BICDL1: variants seen among roughly 807,000 people sequenced by gnomAD.
BICDL1 encodes the protein BICD family-like cargo adapter 1.
Under a neutral mutation model 76.8 loss-of-function variants are expected in BICDL1, and 20 were observed. The observed-to-expected ratio is 0.26, with a 90% CI of 0.18 to 0.38. The LOEUF is 0.38. Ranked by LOEUF, BICDL1 falls within the 10% of genes least tolerant of loss-of-function variation. The pLI, the probability that BICDL1 is intolerant of heterozygous loss-of-function variation, is 1.00. For synonymous variants in BICDL1, 383 were observed against 337.1 expected (o/e 1.14, Z -1.49); for missense variants, 700 against 798.6 (o/e 0.88, Z 1.49).
intron 8 of BICDL1, among the ~76,000 whole-genome samples, chr12:120,083,629 GTATT>G (rs10566467): frequency 0.12 from 17,936 of 145,044 alleles, 1,352 homozygotes; most frequent in African/African-American, 0.21. Context: ...ATTAATAGTA[GTATT>G]TATTTATTTA....
At chr12:120,057,322 G>T (rs1034582210) in intron 2 of BICDL1, 11 of 309,050 alleles carry the variant, frequency 3.6e-5, no homozygotes, top group Non-Finnish European at 6.3e-5. Context: ...TCAATTTTTT[G>T]TCTTTCCACG....
chr12:119,989,805 TC>T lies in BICDL1; in HGVS notation c.-58del, dbSNP rs1223024969. ...ACGCGGGGCGGCGCGGCAGGGCCCC[TC>T]CCCCCTGCAGCCTGGCGCGCGCGGG... On this transcript the variant is annotated 5_prime_UTR_variant, in exon 1 of 10. Coordinates refer to ENST00000548673, the MANE Select transcript of BICDL1 (RefSeq NM_001367886.1). 7.6e-6 allele frequency: 6 copies of T among 785,224 alleles called. No individual in the cohort carries two copies. In the South Asian group the frequency reaches 2.4e-4, roughly 31 times the overall value. 48.6% of individuals were successfully genotyped at this position (785,224 alleles called of 1,614,324 possible).
chr12:120,053,148 C>T (rs533742924), intron 2 of BICDL1, among the ~76,000 whole-genome samples: 1 of 151,830 alleles, frequency 6.6e-6, no homozygotes, highest in African/African-American at 2.4e-5. Context: ...GGCGCAATCT[C>T]GGCTCACCAC....
chr12:120,069,271 A>G lies in BICDL1; in HGVS notation c.910-2351A>G, dbSNP rs530019214. Among the ~76,000 whole-genome samples the G allele has an allele frequency of 2.0e-5, 3 of 152,324 alleles. No individual in the cohort carries two copies. The South Asian group carries it at 6.2e-4, about 32-fold the overall frequency. ...TAATTAGCTCTTTTCAAGTCTTCAG[A>G]AAAGGACTGAGAGAGAACAAACAGG... is the stretch of plus-strand genomic sequence containing the variant. On this transcript the variant is annotated intron_variant, in intron 4 of 9. Coordinates refer to ENST00000548673, the MANE Select transcript of BICDL1 (RefSeq NM_001367886.1).
chr12:120,089,957 T>C lies in BICDL1; in HGVS notation c.1590T>C (p.Asn530=). Residue 530 remains asparagine (N), a synonymous_variant, in exon 9 of 10, where the codon AAT becomes AAC. Coordinates refer to ENST00000548673, the MANE Select transcript of BICDL1 (RefSeq NM_001367886.1). ...RDRDEAIAKK[N]AVELELAKCR... ...CTGGCTTGTCTGTTCTCAGGAAGAA[T>C]GCTGTGGAGCTGGAACTTGCCAAGT... is the stretch of plus-strand genomic sequence containing the variant. 6.2e-7 allele frequency: 1 copy of C among 1,614,038 alleles called. No individual in the cohort carries two copies. Among genetic ancestry groups the C allele is most frequent in the East Asian group, 2.2e-5 (1 of 44,872 alleles).
chr12:119,997,033 CT>C (rs1951664631), intron 1 of BICDL1, among the ~76,000 whole-genome samples: 2 of 151,758 alleles, frequency 1.3e-5, no homozygotes, highest in African/African-American at 4.8e-5. Flanking sequence ...ACTGCAAGCT[CT>C]GCCTCCCGGG....
At position 120,093,725 on chromosome 12, in the gene BICDL1, C is replaced by G. The variant is rs3742041; in HGVS notation, c.*564C>G. The G allele has an allele frequency of 5.8e-6, 1 of 172,170 alleles. No homozygotes were observed. Among genetic ancestry groups the G allele is most frequent in the African/African-American group, 2.4e-5 (1 of 41,660 alleles). The allele number at this position is 172,170 out of a possible 1,614,324, so 10.7% of individuals were successfully genotyped here. ...CCTCAGCTGGCAGGAGGCCAAGCCT[C>G]TGGCCGCAGGGTCTAAGAGCCGGGG... On this transcript the variant is annotated 3_prime_UTR_variant, in exon 10 of 10. Transcript: ENST00000548673.
chr12:120,069,125 T>C (rs1039564558), intron 4 of BICDL1, among the ~76,000 whole-genome samples: 35 of 152,180 alleles, frequency 2.3e-4, no homozygotes, highest in African/African-American at 8.0e-4. Flanking sequence ...TGTGAAAATC[T>C]CTGAGATCAT....
At chr12:120,015,210 T>G (rs781198262) in intron 2 of BICDL1, among the ~76,000 whole-genome samples, 1 of 152,224 alleles carries the variant, frequency 6.6e-6, no homozygotes, top group African/African-American at 2.4e-5. Context: ...TCCTTGCCTT[T>G]AAGCTCTGCT....
At chr12:120,007,340 C>T (rs1417219905) in intron 2 of BICDL1, among the ~76,000 whole-genome samples, 1 of 152,148 alleles carries the variant, frequency 6.6e-6, no homozygotes, top group Non-Finnish European at 1.5e-5. Context: ...ATTTCCGCAG[C>T]CATCTGAGCT....
At chr12:120,065,942 T>G (rs531125737) in intron 4 of BICDL1, among the ~76,000 whole-genome samples, 4 of 152,354 alleles carry the variant, frequency 2.6e-5, no homozygotes, top group African/African-American at 9.6e-5. Flanking sequence ...TTTAGTACCT[T>G]CAGCTAGTAA....
chr12:120,025,804 A>G (rs1952287550), intron 2 of BICDL1, among the ~76,000 whole-genome samples: 1 of 151,716 alleles, frequency 6.6e-6, no homozygotes, highest in Non-Finnish European at 1.5e-5. Flanking sequence ...TGTGGTATAT[A>G]TTTCTATATA....
At chr12:120,038,487 G>T (rs1184396969) in intron 2 of BICDL1, among the ~76,000 whole-genome samples, 1 of 151,904 alleles carries the variant, frequency 6.6e-6, no homozygotes, top group Non-Finnish European at 1.5e-5. Flanking sequence ...ATTGTTAGAA[G>T]TCTCTTAATA....
intron 2 of BICDL1, among the ~76,000 whole-genome samples, 180 bp from the exon 3 acceptor site, chr12:120,061,530 G>T (rs368958259): frequency 6.6e-6 from 1 of 152,062 alleles, no homozygotes; most frequent in Non-Finnish European, 1.5e-5. Context: ...TGGTAGAGGT[G>T]GGGGTGGGAG....
chr12:120,016,784 C>G (rs1159085092), intron 2 of BICDL1, among the ~76,000 whole-genome samples: 1 of 151,998 alleles, frequency 6.6e-6, no homozygotes, highest in Non-Finnish European at 1.5e-5. Flanking sequence ...GTTTATATTC[C>G]TACCAACAAT....
At chr12:120,066,068 G>A (rs1412734531) in intron 4 of BICDL1, among the ~76,000 whole-genome samples, 1 of 152,244 alleles carries the variant, frequency 6.6e-6, no homozygotes, top group Non-Finnish European at 1.5e-5. Flanking sequence ...CAAGGTTGAT[G>A]ATAATAATAG....
In BICDL1 at chr12:120,093,863, G is replaced by A. The variant is rs2139039432; in HGVS notation, c.*702G>A. 4.6e-6 allele frequency: 1 copy of A among 215,970 alleles called. No individual in the cohort carries two copies. The highest frequency in any genetic ancestry group is 5.3e-5 in the Admixed American group (1 of 18,844). 13.4% of individuals were successfully genotyped at this position (215,970 alleles called of 1,614,324 possible). A position where few individuals can be genotyped will look rare whatever the true frequency, so the allele number is the denominator to read the frequency against. On this transcript the variant is annotated 3_prime_UTR_variant, in exon 10 of 10. Coordinates refer to ENST00000548673, the MANE Select transcript of BICDL1 (RefSeq NM_001367886.1). ...CAGTCTCTGCCCCTTAGCAGGGCCTGGCCAGGCAGAGTGTTATCACCAGTC... is the reference window on the plus strand; with the variant it reads ...CAGTCTCTGCCCCTTAGCAGGGCCTAGCCAGGCAGAGTGTTATCACCAGTC...
At chr12:120,009,845 T>C (rs759037340) in intron 2 of BICDL1, among the ~76,000 whole-genome samples, 1 of 152,216 alleles carries the variant, frequency 6.6e-6, no homozygotes, top group Non-Finnish European at 1.5e-5. Flanking sequence ...GCAAGTAATG[T>C]TTTGACACAG....
chr12:120,092,396 CT>C lies in BICDL1; in HGVS notation c.1705-603del, dbSNP rs1351249118. Reference sequence around the variant, plus strand: ...ACAGCCCCTGAAGACCGTGAGGCCCCTGGCCTCTGCCGCAGATGGGAGCCTC... The same window carrying C: ...ACAGCCCCTGAAGACCGTGAGGCCCCGGCCTCTGCCGCAGATGGGAGCCTC... On this transcript the variant is annotated intron_variant, in intron 9 of 9. Transcript: ENST00000548673. The C allele has an allele frequency of 3.0e-5, 30 of 985,448 alleles. No individual in the cohort carries two copies. In the Admixed American group the frequency reaches 4.9e-4, roughly 16 times the overall value. 61.0% of individuals were successfully genotyped at this position (985,448 alleles called of 1,614,324 possible).
Sources: allele counts gnomAD v4.1 joint callset (sites outside exome capture counted in the v4.1 genomes callset), GRCh38; gene constraint gnomAD v4.1.1; transcripts MANE v1.5; gene names NCBI Gene and HGNC (gene_info 2026-07-23, HGNC 2026-07-21).